Variants in JAK1 observed in about 807,000 individuals in gnomAD.
JAK1 encodes Janus kinase 1.
In JAK1, 16 loss-of-function variants were observed where a neutral mutation model predicts 136.6. The ratio of observed to expected loss-of-function variants is 0.12; its 90% confidence interval spans 0.08 to 0.18. The LOEUF is 0.18. Ranked by LOEUF, JAK1 falls within the 10% of genes least tolerant of loss-of-function variation. JAK1 has a pLI of 1.00. For missense variants in JAK1, 859 were observed against 1,450.1 expected (o/e 0.59, Z 6.62); for synonymous variants, 492 against 519.5 (o/e 0.95, Z 0.72).
At chr1:64,860,556 C>A (rs1236019206) in intron 8 of JAK1, among the ~76,000 whole-genome samples, 1 of 151,774 alleles carries the variant, frequency 6.6e-6, no homozygotes, top group Non-Finnish European at 1.5e-5. Flanking sequence ...TGGGTCCAAG[C>A]GATTCTTCTG....
chr1:64,888,944 G>T (rs1644892887), intron 1 of JAK1, among the ~76,000 whole-genome samples: 1 of 152,170 alleles, frequency 6.6e-6, no homozygotes, highest in Non-Finnish European at 1.5e-5. Context: ...TAGAAGACAT[G>T]GGAGGCACTG....
At chr1:65,014,291 A>G (rs1646874343) in intron 2 of JAK1, among the ~76,000 whole-genome samples, 1 of 152,108 alleles carries the variant, frequency 6.6e-6, no homozygotes, top group South Asian at 2.1e-4. Flanking sequence ...TAATGAAATT[A>G]ATTCACATAC....
intron 2 of JAK1, among the ~76,000 whole-genome samples, chr1:64,996,639 G>A (rs898354131): frequency 3.3e-5 from 5 of 152,218 alleles, no homozygotes; most frequent in African/African-American, 1.2e-4. Flanking sequence ...TTAGAAGAGA[G>A]ATTGTAAACT....
chr1:64,874,367 ATTTT>A (rs768313728), intron 4 of JAK1, among the ~76,000 whole-genome samples: 6 of 148,550 alleles, frequency 4.0e-5, no homozygotes, highest in African/African-American at 1.5e-4. Context: ...TAGCACAGAA[ATTTT>A]TTTTTTTTAA....
upstream of JAK1, among the ~76,000 whole-genome samples, chr1:64,967,683 AGAC>A (rs1646409404): frequency 1.3e-5 from 2 of 152,352 alleles, no homozygotes; most frequent in African/African-American, 4.8e-5. Flanking sequence ...CATCCGAATT[AGAC>A]TACTGAATTT....
At chr1:64,839,071 G>A (rs11591015) in intron 20 of JAK1, among the ~76,000 whole-genome samples, 7,628 of 147,982 alleles carry the variant, frequency 0.052, 317 homozygotes, top group Admixed American at 0.14. Flanking sequence ...GCGTGAACCC[G>A]GGAGGCGGAG....
chr1:65,032,374 G>A (rs182357853), intron 2 of JAK1, among the ~76,000 whole-genome samples: 1 of 152,168 alleles, frequency 6.6e-6, no homozygotes, highest in African/African-American at 2.4e-5. Flanking sequence ...TTACTCTTTT[G>A]TTCTAAGTGC....
chr1:65,031,420 C>G (rs1324877348), intron 2 of JAK1, among the ~76,000 whole-genome samples: 1 of 152,052 alleles, frequency 6.6e-6, no homozygotes, highest in East Asian at 1.9e-4. Flanking sequence ...CTGCCCTGTA[C>G]TTTTTAAAAA....
chr1:64,904,634 T>C (rs1645163233), intron 1 of JAK1, among the ~76,000 whole-genome samples: 1 of 152,210 alleles, frequency 6.6e-6, no homozygotes. Context: ...TATAGATTTA[T>C]CTGACAGCAT....
At position 64,966,369 on chromosome 1, in the gene JAK1, C is replaced by G. The variant is rs577801207; in HGVS notation, c.-114G>C. 2.6e-5 allele frequency: 4 copies of G among 151,494 alleles called. No individual in the cohort carries two copies. Among genetic ancestry groups the G allele is most frequent in the African/African-American group, 9.6e-5 (4 of 41,474 alleles). 9.4% of individuals were successfully genotyped at this position (151,494 alleles called of 1,614,324 possible). ...GCGCCTGGGCCAGGCAGCGCCCCGTCGCTGCGCTGGCTGGGGTCGACCGGC... is the reference window on the plus strand; with the variant it reads ...GCGCCTGGGCCAGGCAGCGCCCCGTGGCTGCGCTGGCTGGGGTCGACCGGC... On this transcript the variant is annotated 5_prime_UTR_variant, in exon 1 of 25. Coordinates refer to ENST00000342505, the MANE Select transcript of JAK1 (RefSeq NM_002227.4).
chr1:65,030,234 C>T (rs1469313794), intron 2 of JAK1, among the ~76,000 whole-genome samples: 36 of 152,162 alleles, frequency 2.4e-4, no homozygotes, highest in Non-Finnish European at 1.5e-5. Context: ...AACCAGCTGG[C>T]ATCTTGATCT....
At chr1:64,957,825 T>TCCC (rs1646217106) in intron 1 of JAK1, among the ~76,000 whole-genome samples, 1 of 152,150 alleles carries the variant, frequency 6.6e-6, no homozygotes, top group Non-Finnish European at 1.5e-5. Flanking sequence ...GAGCCTGTAA[T>TCCC]CCCAGCCACT....
chr1:64,858,618 T>C (rs1656096302), intron 9 of JAK1, among the ~76,000 whole-genome samples: 1 of 152,164 alleles, frequency 6.6e-6, no homozygotes, highest in South Asian at 2.1e-4. Flanking sequence ...ATTCAACAAA[T>C]ACTCACTGAG....
chr1:64,968,107 G>A (rs1019289919), upstream of JAK1, among the ~76,000 whole-genome samples: 3 of 152,158 alleles, frequency 2.0e-5, no homozygotes, highest in Admixed American at 1.3e-4. Context: ...GGGAGACAGA[G>A]ACGTGAAAGA....
intron 1 of JAK1, among the ~76,000 whole-genome samples, chr1:64,963,071 C>A (rs941639003): frequency 5.3e-5 from 8 of 151,922 alleles, no homozygotes; most frequent in Admixed American, 5.2e-4. Context: ...GACACCATCT[C>A]GAAAAATAAA....
intron 1 of JAK1, among the ~76,000 whole-genome samples, chr1:65,058,135 C>T (rs76885111): frequency 0.016 from 2,366 of 152,084 alleles, 48 homozygotes; most frequent in African/African-American, 0.054. Flanking sequence ...AAAAATGGTA[C>T]GAAGTTCTCT....
At chr1:64,953,614 G>A (rs768587977) in intron 1 of JAK1, among the ~76,000 whole-genome samples, 9 of 152,134 alleles carry the variant, frequency 5.9e-5, no homozygotes, top group Non-Finnish European at 1.3e-4. Context: ...CTTTAGGACA[G>A]CTAAATGAAC....
At chr1:64,917,131 T>TA (rs144378129) in intron 1 of JAK1, among the ~76,000 whole-genome samples, 3,197 of 152,204 alleles carry the variant, frequency 0.021, 102 homozygotes, top group African/African-American at 0.068. Flanking sequence ...CAAGGGTCTA[T>TA]AAAGCTTCCA....
chr1:65,049,767 A>G (rs910389882), intron 1 of JAK1, among the ~76,000 whole-genome samples: 1 of 152,128 alleles, frequency 6.6e-6, no homozygotes, highest in Non-Finnish European at 1.5e-5. Context: ...TCACCCCACC[A>G]AATGTAGTGT....
Sources: allele counts gnomAD v4.1 joint callset (sites outside exome capture counted in the v4.1 genomes callset), GRCh38; gene constraint gnomAD v4.1.1; transcripts MANE v1.5; gene names NCBI Gene and HGNC (gene_info 2026-07-23, HGNC 2026-07-21).